Variants in SHC3 observed in about 807,000 individuals in gnomAD.
SHC3 encodes SHC adaptor protein 3.
Under a neutral mutation model 60.4 loss-of-function variants are expected in SHC3, and 15 were observed. The observed-to-expected ratio is 0.25, with a 90% CI of 0.17 to 0.38. SHC3 has a LOEUF of 0.38. Among genes scored for constraint, SHC3 ranks in the 10% least tolerant of loss-of-function variants. The probability of loss-of-function intolerance (pLI) is 1.00; values close to 1 mark genes in which losing one functional copy is unlikely to be tolerated. For missense variants in SHC3, 677 were observed against 786.1 expected, an observed-to-expected ratio of 0.86 and a Z score of 1.66; for synonymous variants, 294 against 325.9, an observed-to-expected ratio of 0.90 and a Z score of 1.05.
At chr9:89,087,902 C>G (rs1587719494) in intron 2 of SHC3, among the ~76,000 whole-genome samples, 2 of 152,204 alleles carry the variant, frequency 1.3e-5, no homozygotes, top group Middle Eastern at 6.8e-3. Context: ...AATAAGATAC[C>G]AACATGACAG....
At position 89,126,179 on chromosome 9, in the gene SHC3, G is replaced by A. The variant is rs117884154; in HGVS notation, c.475-13553C>T. Among the ~76,000 whole-genome samples, 184 of 152,250 alleles carry A rather than the reference G, an allele frequency of 1.2e-3. 5 individuals carry two copies. In the East Asian group the frequency reaches 0.035, roughly 29 times the overall value. On this transcript the variant is annotated intron_variant, in intron 1 of 11. Coordinates refer to ENST00000375835, the MANE Select transcript of SHC3 (RefSeq NM_016848.6). Reference sequence around the variant, plus strand: ...GGGTAAGCAGAGTGCCCATACTTGGGTAAAGGATGAGATAGGGTTAGAGAC... The same window carrying A: ...GGGTAAGCAGAGTGCCCATACTTGGATAAAGGATGAGATAGGGTTAGAGAC...
intron 2 of SHC3, chr9:89,109,356 A>C (rs1825912900): frequency 1.1e-6 from 1 of 950,470 alleles, no homozygotes; most frequent in Admixed American, 6.2e-5. Flanking sequence ...CAGGAAGTCC[A>C]GCGAGGGTGC....
intron 1 of SHC3, among the ~76,000 whole-genome samples, chr9:89,124,146 T>C (rs989860342): frequency 1.3e-5 from 2 of 151,336 alleles, no homozygotes; most frequent in African/African-American, 4.9e-5. Context: ...TGAGATACCA[T>C]CTCATGCCAG....
In SHC3 at chr9:89,007,659, C is replaced by T. The variant is rs943027125; in HGVS notation, c.*5788G>A. 1 of 152,402 alleles carries T rather than the reference C, an allele frequency of 6.6e-6. No individual in the cohort carries two copies. The highest frequency in any genetic ancestry group is 2.4e-5 in the African/African-American group (1 of 41,470). 9.4% of individuals were successfully genotyped at this position (152,402 alleles called of 1,614,324 possible). Reference sequence around the variant, plus strand: ...CTTTCTCCTCCTTCCCTGCTGGCCTCAGACAGCTATGCATGGCTGCATGAA... The same window carrying T: ...CTTTCTCCTCCTTCCCTGCTGGCCTTAGACAGCTATGCATGGCTGCATGAA... On this transcript the variant is annotated 3_prime_UTR_variant, in exon 12 of 12. Coordinates refer to ENST00000375835, the MANE Select transcript of SHC3 (RefSeq NM_016848.6).
chr9:89,033,389 C>T (rs1824522713), intron 11 of SHC3, among the ~76,000 whole-genome samples: 1 of 152,080 alleles, frequency 6.6e-6, no homozygotes, highest in Non-Finnish European at 1.5e-5. Flanking sequence ...TTTATATTCT[C>T]ATAGAATTGC....
At chr9:89,140,826 G>A (rs1252822157) in intron 1 of SHC3, among the ~76,000 whole-genome samples, 1 of 152,108 alleles carries the variant, frequency 6.6e-6, no homozygotes, top group Non-Finnish European at 1.5e-5. Flanking sequence ...GGCATTAACA[G>A]TGGCAAAAAG....
At chr9:89,059,543 T>TG (rs2117957071) in intron 6 of SHC3, among the ~76,000 whole-genome samples, 1 of 120,164 alleles carries the variant, frequency 8.3e-6, no homozygotes, top group South Asian at 3.0e-4. Context: ...TGGTGTAGGA[T>TG]GTGGTGGAGG....
intron 1 of SHC3, among the ~76,000 whole-genome samples, chr9:89,117,264 C>T (rs1327990982): frequency 6.6e-6 from 1 of 152,204 alleles, no homozygotes; most frequent in Non-Finnish European, 1.5e-5. Flanking sequence ...TTTGTCCTCT[C>T]ATCACCCGGC....
intron 1 of SHC3, among the ~76,000 whole-genome samples, chr9:89,119,300 G>T (rs1564158257): frequency 2.0e-5 from 3 of 152,016 alleles, no homozygotes; most frequent in African/African-American, 7.2e-5. Flanking sequence ...GAAAGGCAAA[G>T]ATAAAGTATA....
intron 1 of SHC3, among the ~76,000 whole-genome samples, chr9:89,132,429 CA>C (rs1412421714): frequency 6.6e-6 from 1 of 152,006 alleles, no homozygotes; most frequent in Non-Finnish European, 1.5e-5. Flanking sequence ...CATATGGAAC[CA>C]AAAAAGAGCC....
chr9:89,045,371 C>T (rs1178016164), intron 9 of SHC3, among the ~76,000 whole-genome samples: 1 of 151,254 alleles, frequency 6.6e-6, no homozygotes, highest in Non-Finnish European at 1.5e-5. Context: ...ACCTCCACCT[C>T]CTGGGATCAA....
At chr9:89,054,396 T>G (rs1281687771) in intron 6 of SHC3, among the ~76,000 whole-genome samples, 1 of 152,180 alleles carries the variant, frequency 6.6e-6, no homozygotes, top group Non-Finnish European at 1.5e-5. Context: ...ACCTGTTGCT[T>G]TGGTCTGAGG....
At chr9:89,127,491 A>G (rs1826181162) in intron 1 of SHC3, among the ~76,000 whole-genome samples, 1 of 152,176 alleles carries the variant, frequency 6.6e-6, no homozygotes, top group African/African-American at 2.4e-5. Context: ...TGTTTTGGAA[A>G]AAACCTCTGT....
At chr9:89,055,448 A>G (rs1824933706) in intron 6 of SHC3, among the ~76,000 whole-genome samples, 1 of 152,124 alleles carries the variant, frequency 6.6e-6, no homozygotes, top group South Asian at 2.1e-4. Context: ...AACAATCCCA[A>G]CGTCTCTGGC....
chr9:89,062,485 A>G (rs1361430492), intron 6 of SHC3, among the ~76,000 whole-genome samples: 1 of 152,230 alleles, frequency 6.6e-6, no homozygotes, highest in African/African-American at 2.4e-5. Context: ...TTGATACCAG[A>G]GAGACAAATA....
rs559164114 is a variant in SHC3 at position 89,150,570 on chromosome 9, T to C, written c.474+27417A>G. 5.3e-5 allele frequency among the ~76,000 whole-genome samples: 8 copies of C among 152,350 alleles called. No homozygotes were observed. The East Asian group carries it at 1.5e-3, about 29-fold the overall frequency. ...CTTTTTATGGCTGAATACTATTCCGTTGTATGTATATACCACCTTCTGTTC... is the reference window on the plus strand; with the variant it reads ...CTTTTTATGGCTGAATACTATTCCGCTGTATGTATATACCACCTTCTGTTC... On this transcript the variant is annotated intron_variant, in intron 1 of 11. Transcript: ENST00000375835.
intron 1 of SHC3, among the ~76,000 whole-genome samples, chr9:89,127,332 T>C (rs1027762392): frequency 3.9e-5 from 6 of 152,194 alleles, no homozygotes; most frequent in African/African-American, 1.2e-4. Flanking sequence ...ATATTGGCAG[T>C]TTGGCATGGC....
intron 1 of SHC3, among the ~76,000 whole-genome samples, chr9:89,170,510 G>C (rs571928398): frequency 2.0e-5 from 3 of 152,252 alleles, no homozygotes; most frequent in African/African-American, 7.2e-5. Context: ...GCCAAGCATG[G>C]TGGTGTGTGC....
Position 89,042,268 on chromosome 9 carries a change from C to T in SHC3, c.1202-84G>A, listed in dbSNP as rs371238452. On this transcript the variant is annotated intron_variant, in intron 9 of 11. Transcript: ENST00000375835. ...AGCCTTTCACAAAGAAGCTCTTCTG[C>T]CTGCAAATGGGAAACCTCCTCCTTC... The T allele has an allele frequency of 1.0e-3, 1,476 of 1,414,520 alleles. 26 individuals carry two copies. In the South Asian group the frequency reaches 0.022, roughly 21 times the overall value. The allele number at this position is 1,414,520 out of a possible 1,614,324, so 87.6% of individuals were successfully genotyped here. A position where few individuals can be genotyped will look rare whatever the true frequency, so the allele number is the denominator to read the frequency against.
Sources: gnomAD v4.1 joint callset for allele counts (sites outside exome capture counted in the v4.1 genomes callset) on GRCh38, gnomAD v4.1.1 for gene constraint, MANE v1.5 for transcripts, NCBI Gene and HGNC (gene_info 2026-07-23, HGNC 2026-07-21) for gene names.